The following C16orf74 variants were observed in gnomAD, a reference collection of about 807,000 sequenced individuals.
C16orf74 encodes calcimembrin, also known as uncharacterized protein C16orf74.
A neutral mutation model predicts 6.5 loss-of-function variants in C16orf74; 10 were observed. The ratio of observed to expected loss-of-function variants is 1.54; its 90% CI spans 0.95 to 2.61. The LOEUF is 2.61. Among genes scored for constraint, C16orf74 ranks in the 30% most tolerant of loss-of-function variants. The pLI, the probability that C16orf74 is intolerant of heterozygous loss-of-function variation, is 0.00. For synonymous variants in C16orf74, 60 were observed against 42.5 expected (o/e 1.41, Z -1.60); for missense variants, 141 against 105.9 (o/e 1.33, Z -1.45).
intron 1 of C16orf74, chr16:85,744,164 G>A (rs2054342650): frequency 6.8e-6 from 1 of 147,984 alleles, no homozygotes; most frequent in South Asian, 2.1e-4. Flanking sequence ...GGCGGAGGTA[G>A]CGGTGAGCCG....
At chr16:85,712,086 G>A (rs1457036134) in intron 2 of C16orf74, among the ~76,000 whole-genome samples, 1 of 152,194 alleles carries the variant, frequency 6.6e-6, no homozygotes, top group Non-Finnish European at 1.5e-5. Flanking sequence ...CAGCCACCAT[G>A]TTACGAGGAT....
chr16:85,744,512 C>A (rs962232840), intron 1 of C16orf74, among the ~76,000 whole-genome samples: 2 of 152,082 alleles, frequency 1.3e-5, no homozygotes, highest in African/African-American at 4.8e-5. Context: ...AGAACAGGTT[C>A]TTTCTTGCAC....
chr16:85,715,542 G>C (rs2054014729), intron 2 of C16orf74, among the ~76,000 whole-genome samples: 2 of 152,172 alleles, frequency 1.3e-5, no homozygotes, highest in African/African-American at 4.8e-5. Flanking sequence ...TTTCTGCAAG[G>C]GGCCAGGCAG....
At chr16:85,744,089 G>A (rs1392258086) in intron 1 of C16orf74, 1 of 151,594 alleles carries the variant, frequency 6.6e-6, no homozygotes, top group African/African-American at 2.4e-5. Flanking sequence ...GCCGGGCATG[G>A]TGGTGCATGC....
rs7189256 is a variant in C16orf74 at position 85,711,566 on chromosome 16, T to C, written c.29-1259A>G. Among the ~76,000 whole-genome samples the C allele has an allele frequency of 3.2e-3, 465 of 147,306 alleles. 2 individuals are homozygous for C. Among genetic ancestry groups the C allele is most frequent in the African/African-American group, 0.011 (435 of 38,940 alleles). On this transcript the variant is annotated intron_variant, in intron 2 of 3. Coordinates refer to ENST00000284245, the MANE Select transcript of C16orf74 (RefSeq NM_206967.3). ...TGAATCCGGGAGGCGGAGGTTGCAG[T>C]GAGCCAAGATTGTGCCATTGCACTC...
intron 2 of C16orf74, among the ~76,000 whole-genome samples, chr16:85,722,206 G>C (rs1229980047): frequency 6.6e-6 from 1 of 152,088 alleles, no homozygotes; most frequent in Non-Finnish European, 1.5e-5. Flanking sequence ...GTATACTGCA[G>C]TGCTGTCATA....
chr16:85,726,757 G>A (rs969135288), intron 2 of C16orf74, among the ~76,000 whole-genome samples: 6 of 152,162 alleles, frequency 3.9e-5, no homozygotes, highest in African/African-American at 9.7e-5. Flanking sequence ...CCTGTCCCCA[G>A]GGATGGAAAC....
In C16orf74 at chr16:85,710,247, T is replaced by C; in HGVS notation, c.89A>G (p.Asp30Gly). 1 of 1,499,530 alleles carries C rather than the reference T, an allele frequency of 6.7e-7. No individual in the cohort carries two copies. The highest frequency in any genetic ancestry group is 8.8e-7 in the Non-Finnish European group (1 of 1,136,228). 92.9% of individuals were successfully genotyped at this position (1,499,530 alleles called of 1,614,324 possible). The change falls in exon 3 of 4, where the codon GAC becomes GGC. Residue 30 changes from aspartate to glycine, a missense_variant. By Grantham distance (94) the Asp-to-Gly change is moderately conservative. Transcript: ENST00000284245. ...SSHDEAPVLN[D>G]KHLDVPDIII... Reference sequence around the variant, plus strand: ...GATGTCGGGCACGTCCAGGTGCTTGTCGTTCAGGACGGGGGCCTCGTCGTG... The same window carrying C: ...GATGTCGGGCACGTCCAGGTGCTTGCCGTTCAGGACGGGGGCCTCGTCGTG...
chr16:85,722,353 C>A (rs1219226931), intron 2 of C16orf74, among the ~76,000 whole-genome samples: 1 of 152,164 alleles, frequency 6.6e-6, no homozygotes, highest in African/African-American at 2.4e-5. Context: ...AGGTGGTGAA[C>A]GTTGCTACTT....
chr16:85,738,126 T>A (rs1235458784), intron 1 of C16orf74, among the ~76,000 whole-genome samples: 1 of 151,842 alleles, frequency 6.6e-6, no homozygotes, highest in Non-Finnish European at 1.5e-5. Context: ...GTGCCTGTAG[T>A]CCCAGCTACT....
intron 2 of C16orf74, among the ~76,000 whole-genome samples, chr16:85,718,269 C>T (rs778147877): frequency 6.6e-5 from 10 of 152,040 alleles, no homozygotes; most frequent in Non-Finnish European, 1.2e-4. Context: ...GAGACAGGGC[C>T]TCATTATATT....
At chr16:85,724,338 G>A (rs559806674) in intron 2 of C16orf74, among the ~76,000 whole-genome samples, 40 of 152,326 alleles carry the variant, frequency 2.6e-4, no homozygotes, top group African/African-American at 8.4e-4. Context: ...AGCACGTGGT[G>A]CAGGCCAGGC....
At chr16:85,748,303 G>C (rs988595695) in intron 1 of C16orf74, among the ~76,000 whole-genome samples, 2 of 152,090 alleles carry the variant, frequency 1.3e-5, no homozygotes, top group East Asian at 1.9e-4. Flanking sequence ...AAATGGTTGA[G>C]AGAGTTATTA....
chr16:85,735,318 C>A lies in C16orf74; in HGVS notation c.-18-83G>T, dbSNP rs1331444255. ...CGTGCAGCCGGGCCCCCACCCTTGG[C>A]CCTGATGAGTGCAAAACAGGAGGTT... On this transcript the variant is annotated intron_variant, in intron 1 of 3. Transcript: ENST00000284245. 3.1e-6 allele frequency: 3 copies of A among 966,328 alleles called. No individual in the cohort carries two copies. The South Asian group carries it at 5.9e-5, about 19-fold the overall frequency. 59.9% of individuals were successfully genotyped at this position (966,328 alleles called of 1,614,324 possible).
Position 85,744,634 on chromosome 16 carries a change from T to G in C16orf74, c.-19+6292A>C, listed in dbSNP as rs573552483. ...TCACGAGGTCAGGAGATCGAGACCA[T>G]CCTGGCTAACACGGTGAAACCCTGT... On this transcript the variant is annotated intron_variant, in intron 1 of 3. Transcript: ENST00000284245. 3.6e-3 allele frequency among the ~76,000 whole-genome samples: 552 copies of G among 151,652 alleles called. 2 individuals are homozygous for G. The highest frequency in any genetic ancestry group is 6.2e-3 in the Non-Finnish European group (424 of 67,902).
At chr16:85,744,916 C>T (rs2054355760) in intron 1 of C16orf74, among the ~76,000 whole-genome samples, 1 of 149,560 alleles carries the variant, frequency 6.7e-6, no homozygotes, top group Non-Finnish European at 1.5e-5. Context: ...CCGAGGTGGG[C>T]GGATCACCTG....
At chr16:85,726,043 G>A (rs781554181) in intron 2 of C16orf74, among the ~76,000 whole-genome samples, 2 of 152,076 alleles carry the variant, frequency 1.3e-5, no homozygotes, top group Non-Finnish European at 2.9e-5. Context: ...CAGGGCCTTT[G>A]CATTTGCTGT....
intron 1 of C16orf74, among the ~76,000 whole-genome samples, chr16:85,736,229 C>T (rs758949599): frequency 1.3e-5 from 2 of 152,092 alleles, no homozygotes; most frequent in East Asian, 1.9e-4. Context: ...ATTCTGAGGA[C>T]GCCAAGGAGC....
At chr16:85,750,072 C>T (rs1214563081) in intron 1 of C16orf74, among the ~76,000 whole-genome samples, 2 of 152,182 alleles carry the variant, frequency 1.3e-5, no homozygotes, top group Non-Finnish European at 2.9e-5. Context: ...AACGCCAGAG[C>T]CTGTGACTCA....
Sources: allele counts gnomAD v4.1 joint callset (sites outside exome capture counted in the v4.1 genomes callset), GRCh38; gene constraint gnomAD v4.1.1; transcripts MANE v1.5; gene names NCBI Gene and HGNC (gene_info 2026-07-23, HGNC 2026-07-21).